The following MALL variants were observed in gnomAD, a reference collection of about 807,000 sequenced individuals.
MALL encodes mal, T cell differentiation protein like, also known as MAL-like protein.
A neutral mutation model predicts 10.3 loss-of-function variants in MALL; 2 were observed. That is an observed-to-expected ratio of 0.19 (90% confidence interval 0.08 to 0.61). The LOEUF (loss-of-function observed/expected upper bound fraction) is 0.61. Among genes scored for constraint, MALL ranks in the 20% least tolerant of loss-of-function variants. MALL has a pLI of 0.88. For missense variants in MALL, 39 were observed against 115.2 expected (o/e 0.34, Z 3.03); for synonymous variants, 27 against 51.8 (o/e 0.52, Z 2.05).
At chr2:110,109,772 C>T (rs1678763004) in intron 1 of MALL, among the ~76,000 whole-genome samples, 1 of 152,074 alleles carries the variant, frequency 6.6e-6, no homozygotes, top group Non-Finnish European at 1.5e-5. Context: ...AATACACATT[C>T]TATACAACAG....
At chr2:110,114,379 A>C (rs1678865618) in intron 1 of MALL, among the ~76,000 whole-genome samples, 1 of 152,024 alleles carries the variant, frequency 6.6e-6, no homozygotes, top group Non-Finnish European at 1.5e-5. Context: ...AGGGGCTTGC[A>C]GGACTGACAT....
At chr2:110,100,891 G>C (rs1678550586) in intron 1 of MALL, among the ~76,000 whole-genome samples, 1 of 152,152 alleles carries the variant, frequency 6.6e-6, no homozygotes, top group South Asian at 2.1e-4. Context: ...AGTGGGAGGA[G>C]CCCTGGAGTG....
intron 1 of MALL, among the ~76,000 whole-genome samples, chr2:110,099,346 A>T (rs1447002704): frequency 1.3e-5 from 2 of 152,168 alleles, no homozygotes; most frequent in Non-Finnish European, 2.9e-5. Flanking sequence ...GAAAGTGCCA[A>T]GTGTATTAAT....
chr2:110,097,252 G>T (rs1678463789), intron 1 of MALL, among the ~76,000 whole-genome samples: 1 of 151,930 alleles, frequency 6.6e-6, no homozygotes, highest in Non-Finnish European at 1.5e-5. Context: ...CATTTGTTGT[G>T]GGTGAACAGA....
At chr2:110,098,085 T>C (rs1286465572) in intron 1 of MALL, among the ~76,000 whole-genome samples, 5 of 151,864 alleles carry the variant, frequency 3.3e-5, no homozygotes, top group African/African-American at 1.2e-4. Flanking sequence ...TCCTGAAGGC[T>C]CCCTCTGCCA....
chr2:110,107,334 C>T lies in MALL; in HGVS notation c.105+8354G>A, dbSNP rs556663331. 3.8e-4 allele frequency among the ~76,000 whole-genome samples: 58 copies of T among 151,064 alleles called. No homozygotes were observed. The South Asian group carries it at 0.011, about 30-fold the overall frequency. ...ATCTTGCCCTCCACCTAGAAACAGA[C>T]TTGGGGCTGCTGGGGGGTACACAGA... is the stretch of plus-strand genomic sequence containing the variant. On this transcript the variant is annotated intron_variant, in intron 1 of 3. Coordinates refer to ENST00000272462, the MANE Select transcript of MALL (RefSeq NM_005434.5).
intron 1 of MALL, among the ~76,000 whole-genome samples, chr2:110,113,726 AG>A (rs1414032543): frequency 6.6e-6 from 1 of 152,154 alleles, no homozygotes; most frequent in Non-Finnish European, 1.5e-5. Flanking sequence ...GACCAGAAAA[AG>A]GACATTAGTG....
At chr2:110,112,008 G>T (rs762130510) in intron 1 of MALL, among the ~76,000 whole-genome samples, 10 of 152,244 alleles carry the variant, frequency 6.6e-5, no homozygotes, top group Non-Finnish European at 1.3e-4. Context: ...AATAAATGGT[G>T]CTGGGATAAT....
intron 1 of MALL, among the ~76,000 whole-genome samples, chr2:110,114,756 T>C (rs1007983836): frequency 6.6e-6 from 1 of 151,272 alleles, no homozygotes; most frequent in African/African-American, 2.4e-5. Context: ...TTCTATCTTT[T>C]CCCCCCTGCT....
At chr2:110,115,645 C>A in intron 1 of MALL, 43 bp downstream of exon 1, 3 of 1,145,958 alleles carry the variant, frequency 2.6e-6, no homozygotes, top group Non-Finnish European at 3.4e-6. Context: ...CGGTCTCCCC[C>A]TCCCTCTCTG....
At chr2:110,101,132 C>A (rs1215336723) in intron 1 of MALL, among the ~76,000 whole-genome samples, 1 of 152,088 alleles carries the variant, frequency 6.6e-6, no homozygotes, top group Non-Finnish European at 1.5e-5. Context: ...TGTCACTGGC[C>A]CTGCAGCCTC....
intron 1 of MALL, among the ~76,000 whole-genome samples, chr2:110,102,985 A>G (rs1348165652): frequency 1.3e-5 from 2 of 152,178 alleles, no homozygotes; most frequent in South Asian, 2.1e-4. Context: ...GCAGTGTTGG[A>G]GGGAGGCTGG....
At chr2:110,116,047 A>G, upstream of MALL, 1 of 370,180 alleles carries the variant, frequency 2.7e-6, no homozygotes, top group Non-Finnish European at 4.8e-6. Flanking sequence ...GTCTCCTCCT[A>G]GACCTTTCCA....
chr2:110,101,700 C>A (rs1052030712), intron 1 of MALL, among the ~76,000 whole-genome samples: 2 of 152,104 alleles, frequency 1.3e-5, no homozygotes, highest in East Asian at 1.9e-4. Context: ...CCCCCAGCAC[C>A]ACGTCCGCCC....
intron 1 of MALL, among the ~76,000 whole-genome samples, chr2:110,111,124 G>A (rs1052133477): frequency 3.3e-5 from 5 of 152,064 alleles, no homozygotes; most frequent in Admixed American, 6.6e-5. Flanking sequence ...ACTGAATGGC[G>A]AAAAGTTGAA....
chr2:110,109,331 T>A (rs1217289617), intron 1 of MALL, among the ~76,000 whole-genome samples: 3 of 151,994 alleles, frequency 2.0e-5, no homozygotes, highest in Non-Finnish European at 4.4e-5. Context: ...AGGACTCAAA[T>A]AAACTTAAAG....
intron 1 of MALL, among the ~76,000 whole-genome samples, chr2:110,105,242 G>A (rs943872692): frequency 1.3e-5 from 2 of 152,212 alleles, no homozygotes; most frequent in Non-Finnish European, 2.9e-5. Flanking sequence ...CCCAGAGTAG[G>A]GGCTGGGCCT....
At chr2:110,107,835 G>A (rs1454006206) in intron 1 of MALL, among the ~76,000 whole-genome samples, 1 of 152,178 alleles carries the variant, frequency 6.6e-6, no homozygotes, top group Non-Finnish European at 1.5e-5. Context: ...CCATGGCTGA[G>A]AGACCCATAG....
chr2:110,098,830 CT>C (rs1380839554), intron 1 of MALL, among the ~76,000 whole-genome samples: 1 of 152,050 alleles, frequency 6.6e-6, no homozygotes, highest in Non-Finnish European at 1.5e-5. Flanking sequence ...TGGCAAAACC[CT>C]GTCTCTAAAA....
Sources: gnomAD v4.1 joint callset for allele counts (sites outside exome capture counted in the v4.1 genomes callset) on GRCh38, gnomAD v4.1.1 for gene constraint, MANE v1.5 for transcripts, NCBI Gene and HGNC (gene_info 2026-07-23, HGNC 2026-07-21) for gene names.